The following DSCC1 variants were observed in gnomAD, a reference collection of about 807,000 sequenced individuals.
DSCC1 encodes the protein sister chromatid cohesion protein DCC1.
In DSCC1, 32 loss-of-function variants were observed where a neutral mutation model predicts 48.2. The ratio of observed to expected loss-of-function variants is 0.66; its 90% CI spans 0.50 to 0.89. The LOEUF (loss-of-function observed/expected upper bound fraction) is 0.89. Ranked by LOEUF, DSCC1 falls within the 40% of genes least tolerant of loss-of-function variation. The pLI, the probability that DSCC1 is intolerant of heterozygous loss-of-function variation, is 0.00. For synonymous variants in DSCC1, 150 were observed against 171.5 expected (o/e 0.87, Z 0.98); for missense variants, 421 against 471.7 (o/e 0.89, Z 1.00).
rs2131293285 is a variant in DSCC1 at position 119,838,281 on chromosome 8, CT to C, written c.1050del (p.Glu351LysfsTer17). On this transcript the variant is annotated frameshift_variant, in exon 8 of 9. Coordinates refer to ENST00000313655, the MANE Select transcript of DSCC1 (RefSeq NM_024094.3). LOFTEE classifies it high-confidence loss of function. ...SLFSLREKWTEEDIAPYIQDL... is the reference protein window; with the variant it reads ...SLFSLREKWTXEDIAPYIQDL... ...TACTGAATATATGGAGCAATATCTT[CT>C]TCTGTCCACTTCTCCCTTAGAGAGA... The C allele has an allele frequency of 6.3e-7, 1 of 1,599,148 alleles. No individual in the cohort carries two copies. Among genetic ancestry groups the C allele is most frequent in the East Asian group, 2.2e-5 (1 of 44,558 alleles).
chr8:119,841,688 G>A, intron 7 of DSCC1, 106 bp downstream of exon 7: 1 of 1,259,950 alleles, frequency 7.9e-7, no homozygotes, highest in Non-Finnish European at 1.1e-6. Context: ...CTCCTAATGG[G>A]TGTCTAAGAA....
intron 7 of DSCC1, among the ~76,000 whole-genome samples, chr8:119,840,998 A>C (rs1826759888): frequency 6.6e-6 from 1 of 151,488 alleles, no homozygotes; most frequent in African/African-American, 2.4e-5. Flanking sequence ...TATTATTATT[A>C]TTATTATTTT....
chr8:119,853,260 G>A (rs1826968023), intron 1 of DSCC1, 45 bp from the exon 2 acceptor site: 1 of 1,551,450 alleles, frequency 6.4e-7, no homozygotes, highest in Non-Finnish European at 8.7e-7. Context: ...TGACAATCCA[G>A]TAGCCATTTT....
At chr8:119,846,941 T>G in intron 4 of DSCC1, 49 bp downstream of exon 4, 1 of 1,553,404 alleles carries the variant, frequency 6.4e-7, no homozygotes, top group Non-Finnish European at 8.9e-7. Flanking sequence ...CTTCTCTCCC[T>G]TATGATGCCC....
chr8:119,842,084 T>TC, intron 6 of DSCC1, 136 bp from the exon 7 acceptor site: 1 of 1,036,288 alleles, frequency 9.6e-7, no homozygotes, highest in Non-Finnish European at 1.4e-6. Context: ...CATAGTTCGT[T>TC]TTTTTTTGAG....
chr8:119,840,870 CCA>C (rs1350554931), intron 7 of DSCC1, among the ~76,000 whole-genome samples: 3 of 151,450 alleles, frequency 2.0e-5, no homozygotes, highest in Admixed American at 6.6e-5. Flanking sequence ...CGAGATTGAG[CCA>C]CTGCACTCCA....
At chr8:119,839,200 T>A (rs1826731741) in intron 7 of DSCC1, 1 of 152,250 alleles carries the variant, frequency 6.6e-6, no homozygotes, top group Admixed American at 6.5e-5. Context: ...AGTAACCTCA[T>A]CTAAACCTGT....
chr8:119,854,168 G>A (rs112256645), intron 1 of DSCC1, among the ~76,000 whole-genome samples: 7,012 of 152,190 alleles, frequency 0.046, 268 homozygotes, highest in South Asian at 0.13. Flanking sequence ...GCAGAGAGCC[G>A]TGATTGTGCC....
chr8:119,836,564 T>G (rs1169256126), intron 8 of DSCC1, among the ~76,000 whole-genome samples: 1 of 151,974 alleles, frequency 6.6e-6, no homozygotes, highest in African/African-American at 2.4e-5. Flanking sequence ...TTTAAGTAAC[T>G]GGATTAGTAG....
At chr8:119,839,855 C>G (rs1335418265) in intron 7 of DSCC1, 1 of 152,222 alleles carries the variant, frequency 6.6e-6, no homozygotes, top group Non-Finnish European at 1.5e-5. Context: ...AACAGTTCAT[C>G]TTTCCATACT....
chr8:119,844,818 C>T (rs1826831316), intron 4 of DSCC1, among the ~76,000 whole-genome samples: 1 of 152,126 alleles, frequency 6.6e-6, no homozygotes, highest in Admixed American at 6.5e-5. Flanking sequence ...GAATGTCATA[C>T]AAATGAGGTG....
At chr8:119,844,477 C>G (rs1826822280) in intron 4 of DSCC1, among the ~76,000 whole-genome samples, 1 of 148,998 alleles carries the variant, frequency 6.7e-6, no homozygotes, top group Non-Finnish European at 1.5e-5. Flanking sequence ...ATAAACAGTG[C>G]TTCTTTTTAA....
chr8:119,835,014 TA>T lies in DSCC1; in HGVS notation c.1074-14del, dbSNP rs764639820. On this transcript the variant is annotated splice_polypyrimidine_tract_variant and intron_variant, in intron 8 of 8. Coordinates refer to ENST00000313655, the MANE Select transcript of DSCC1 (RefSeq NM_024094.3). ...TCCACACAAATCTCTGTAGGAACAATAAAAAATATATAACATGAATATTTTA... is the reference window on the plus strand; with the variant it reads ...TCCACACAAATCTCTGTAGGAACAATAAAAATATATAACATGAATATTTTA... 1 of 1,481,550 alleles carries T rather than the reference TA, an allele frequency of 6.7e-7. No individual in the cohort carries two copies. Among genetic ancestry groups the T allele is most frequent in the Non-Finnish European group, 9.3e-7 (1 of 1,072,510 alleles). 91.8% of individuals were successfully genotyped at this position (1,481,550 alleles called of 1,614,324 possible).
In DSCC1 at chr8:119,855,745, C is replaced by A; in HGVS notation, c.51G>T (p.Leu17=). ...EVDATLQIAK[L]NAAELLPAVH... ...CCGCCGGCAGCAGCTCGGCCGCATT[C>A]AGCTTGGCGATCTGCAGCGTCGCAT... is the stretch of plus-strand genomic sequence containing the variant. The change falls in exon 1 of 9, where the codon CTG becomes CTT. Residue 17 remains leucine (L), a synonymous_variant. Coordinates refer to ENST00000313655, the MANE Select transcript of DSCC1 (RefSeq NM_024094.3). 1 of 1,580,452 alleles carries A rather than the reference C, an allele frequency of 6.3e-7. No homozygotes were observed. Among genetic ancestry groups the A allele is most frequent in the South Asian group, 1.2e-5 (1 of 86,644 alleles).
intron 7 of DSCC1, chr8:119,839,630 A>AGGT (rs1457886241): frequency 1.3e-5 from 2 of 152,220 alleles, no homozygotes; most frequent in Non-Finnish European, 2.9e-5. Flanking sequence ...GTTCCTGATG[A>AGGT]GGTAACCTCT....
intron 1 of DSCC1, among the ~76,000 whole-genome samples, 160 bp from the exon 2 acceptor site, chr8:119,853,375 C>A (rs1033056995): frequency 6.6e-6 from 1 of 152,100 alleles, no homozygotes; most frequent in Non-Finnish European, 1.5e-5. Context: ...ACACAGCAAG[C>A]ATTGGGCCAA....
chr8:119,855,789 T>A lies in DSCC1; in HGVS notation c.7A>T (p.Arg3Trp). 6.5e-7 allele frequency: 1 copy of A among 1,531,756 alleles called. No individual in the cohort carries two copies. Among genetic ancestry groups the A allele is most frequent in the Non-Finnish European group, 8.8e-7 (1 of 1,140,212 alleles). 94.9% of individuals were successfully genotyped at this position (1,531,756 alleles called of 1,614,324 possible). A position where few individuals can be genotyped will look rare whatever the true frequency, so the allele number is the denominator to read the frequency against. MK[R>W]TRDEVDATLQ... is the part of the protein sequence containing the mutation. ...GTCGCATCCACCTCGTCGCGGGTCC[T>A]CTTCATCGCAGCGCCGGGTCTAGGA... The change falls in exon 1 of 9, where the codon AGG becomes TGG. Residue 3 changes from arginine (R) to tryptophan (W), a missense_variant. Coordinates refer to ENST00000313655, the MANE Select transcript of DSCC1 (RefSeq NM_024094.3).
chr8:119,844,815 A>C (rs1219764930), intron 4 of DSCC1, among the ~76,000 whole-genome samples: 1 of 152,194 alleles, frequency 6.6e-6, no homozygotes, highest in Non-Finnish European at 1.5e-5. Context: ...TTAGAATGTC[A>C]TACAAATGAG....
Position 119,853,177 on chromosome 8 carries a change from A to G in DSCC1, c.221T>C (p.Leu74Pro). Reference sequence around the variant, plus strand: ...GTCGTATGTTTTGTCTTTACTGCACAGCACAGCTTGCTCGTCTTTATCACC... The same window carrying G: ...GTCGTATGTTTTGTCTTTACTGCACGGCACAGCTTGCTCGTCTTTATCACC... Reference protein sequence around the residue: ...IRGDKDEQAVLCSKDKTYDLK... With the variant: ...IRGDKDEQAVPCSKDKTYDLK... Residue 74 changes from leucine (L) to proline (P), a missense_variant, in exon 2 of 9, where the codon CTG (leucine) becomes CCG (proline). Leu to Pro is a moderately conservative substitution (Grantham distance 98). Coordinates refer to ENST00000313655, the MANE Select transcript of DSCC1 (RefSeq NM_024094.3). 1.2e-6 allele frequency: 2 copies of G among 1,612,810 alleles called. No individual in the cohort carries two copies. Among genetic ancestry groups the G allele is most frequent in the Non-Finnish European group, 1.7e-6 (2 of 1,179,290 alleles).
Sources: allele counts gnomAD v4.1 joint callset (sites outside exome capture counted in the v4.1 genomes callset), GRCh38; gene constraint gnomAD v4.1.1; transcripts MANE v1.5; gene names NCBI Gene and HGNC (gene_info 2026-07-23, HGNC 2026-07-21).